SRP72: variants seen among roughly 807,000 people sequenced by gnomAD.
SRP72 encodes the protein signal recognition particle 72.
SRP72 carries 49 observed loss-of-function variants against 96.3 expected under a neutral mutation model. The ratio of observed to expected loss-of-function variants is 0.51; its 90% CI spans 0.40 to 0.65. SRP72 has a LOEUF of 0.65. Ranked by LOEUF, SRP72 falls within the 30% of genes least tolerant of loss-of-function variation. The pLI is 0.00. For missense variants in SRP72, 736 were observed against 793.3 expected (o/e 0.93, Z 0.87); for synonymous variants, 267 against 275.2 (o/e 0.97, Z 0.30).
chr4:56,472,562 G>A (rs1041405587), intron 3 of SRP72, among the ~76,000 whole-genome samples: 6 of 151,890 alleles, frequency 4.0e-5, no homozygotes, highest in Non-Finnish European at 8.8e-5. Context: ...GCCTAGGCTC[G>A]TCTCAAACTC....
intron 9 of SRP72, among the ~76,000 whole-genome samples, chr4:56,484,353 A>G: frequency 6.6e-6 from 1 of 152,162 alleles, no homozygotes; most frequent in East Asian, 1.9e-4. Flanking sequence ...TAATGTTTTT[A>G]TTATTTAGAA....
At chr4:56,490,687 C>T (rs1405570371) in intron 15 of SRP72, 42 bp downstream of exon 15, 1 of 1,480,806 alleles carries the variant, frequency 6.8e-7, no homozygotes, top group Non-Finnish European at 9.4e-7. Flanking sequence ...CTCAGTAGCA[C>T]AATAGATCTC....
At chr4:56,497,384 T>C (rs1181099679) in intron 17 of SRP72, among the ~76,000 whole-genome samples, 1 of 151,750 alleles carries the variant, frequency 6.6e-6, no homozygotes, top group Non-Finnish European at 1.5e-5. Flanking sequence ...CACGCCCAGC[T>C]AATTTTTTGT....
At chr4:56,490,277 T>C in intron 13 of SRP72, 56 bp from the exon 14 acceptor site, 2 of 1,366,656 alleles carry the variant, frequency 1.5e-6, no homozygotes, top group Admixed American at 1.8e-5. Context: ...TATAACTGCA[T>C]GCACTTGCTA....
chr4:56,485,792 C>T (rs895831142), intron 10 of SRP72, among the ~76,000 whole-genome samples: 1 of 151,978 alleles, frequency 6.6e-6, no homozygotes, highest in East Asian at 1.9e-4. Context: ...CAGAGCAAGA[C>T]TCCGCCTCAG....
At chr4:56,499,789 T>C (rs1031891546) in intron 17 of SRP72, among the ~76,000 whole-genome samples, 27 of 152,192 alleles carry the variant, frequency 1.8e-4, no homozygotes, top group African/African-American at 6.3e-4. Flanking sequence ...AGTTTAGCCA[T>C]TGTGGAAGAC....
intron 6 of SRP72, 116 bp downstream of exon 6, chr4:56,476,818 G>A: frequency 9.4e-7 from 1 of 1,064,530 alleles, no homozygotes; most frequent in Non-Finnish European, 1.4e-6. Flanking sequence ...CATTAAGTAG[G>A]AATCACACTA....
chr4:56,482,731 A>G (rs1386895464), intron 8 of SRP72, among the ~76,000 whole-genome samples: 1 of 152,204 alleles, frequency 6.6e-6, no homozygotes, highest in Non-Finnish European at 1.5e-5. Flanking sequence ...TTGTAGTCCT[A>G]ATACACTTCA....
intron 3 of SRP72, 81 bp from the exon 4 acceptor site, chr4:56,473,973 G>C: frequency 2.8e-6 from 4 of 1,412,066 alleles, no homozygotes; most frequent in Non-Finnish European, 2.9e-6. Context: ...CCTACTTAGT[G>C]GTTCCAAAAA....
intron 17 of SRP72, among the ~76,000 whole-genome samples, chr4:56,499,517 A>G (rs1445999628): frequency 2.6e-5 from 4 of 152,354 alleles, no homozygotes; most frequent in East Asian, 1.9e-4. Flanking sequence ...AAGAACTTCA[A>G]CAAATTTACA....
At position 56,502,486 on chromosome 4, in the gene SRP72, TATATATATAC is replaced by T. The variant is rs1440695444; in HGVS notation, c.*635_*644del. 13 of 101,490 alleles carry T rather than the reference TATATATATAC, an allele frequency of 1.3e-4. No homozygotes were observed. In the Admixed American group the frequency reaches 1.3e-3, roughly 10 times the overall value. The allele number at this position is 101,490 out of a possible 1,614,324, so 6.3% of individuals were successfully genotyped here. A position where few individuals can be genotyped will look rare whatever the true frequency, so the allele number is the denominator to read the frequency against. ...ATGTTTATATATATATATATATGTA[TATATATATAC>T]ATATATATATATATATAAACATGAA... is the stretch of plus-strand genomic sequence containing the variant. On this transcript the variant is annotated 3_prime_UTR_variant, in exon 19 of 19. Transcript: ENST00000642900.
At position 56,491,428 on chromosome 4, in the gene SRP72, C is replaced by CTT. The variant is rs1560686359; in HGVS notation, c.1503-3_1503-2insTT. 1.2e-6 allele frequency: 2 copies of CTT among 1,613,088 alleles called. No homozygotes were observed. Among genetic ancestry groups the CTT allele is most frequent in the South Asian group, 2.2e-5 (2 of 90,930 alleles). ...ATGTTCCTGAACTCCTGTTCTATCACAGTCTTAGTAAACACTTGCCATCGT... is the reference window on the plus strand; with the variant it reads ...ATGTTCCTGAACTCCTGTTCTATCACTTAGTCTTAGTAAACACTTGCCATCGT... On this transcript the variant is annotated splice_polypyrimidine_tract_variant and splice_region_variant and intron_variant, in intron 15 of 18. Coordinates refer to ENST00000642900, the MANE Select transcript of SRP72 (RefSeq NM_006947.4).
chr4:56,473,834 T>A (rs1720088649), intron 3 of SRP72, among the ~76,000 whole-genome samples: 1 of 151,988 alleles, frequency 6.6e-6, no homozygotes, highest in Non-Finnish European at 1.5e-5. Context: ...AGAACCACAA[T>A]ATAGTGAAAA....
intron 8 of SRP72, among the ~76,000 whole-genome samples, chr4:56,482,477 A>G (rs1720540768): frequency 6.6e-6 from 1 of 152,020 alleles, no homozygotes. Context: ...ACTTGTTTTC[A>G]GACATAATGC....
At chr4:56,479,372 G>C (rs1248226992) in intron 8 of SRP72, among the ~76,000 whole-genome samples, 1 of 151,618 alleles carries the variant, frequency 6.6e-6, no homozygotes, top group Non-Finnish European at 1.5e-5. Context: ...GTAGAGACGG[G>C]GTTTCACCAT....
chr4:56,489,479 A>T lies in SRP72; in HGVS notation c.1316A>T (p.His439Leu). 1 of 1,565,418 alleles carries T rather than the reference A, an allele frequency of 6.4e-7. No individual in the cohort carries two copies. The highest frequency in any genetic ancestry group is 8.7e-7 in the Non-Finnish European group (1 of 1,142,964). The stretch of plus-strand genomic sequence containing the variant: ...CAAGCTATCCAGTGGTATCAAAACC[A>T]TCAGGTAAATAAATGGAGTAAAATG... Reference protein sequence around the residue: ...FTQAIQWYQNHQPKSPAHLSL... With the variant: ...FTQAIQWYQNLQPKSPAHLSL... The change falls in exon 13 of 19, where the codon CAT (histidine) becomes CTT (leucine). Residue 439 changes from histidine to leucine, a missense_variant. His to Leu is a moderately conservative substitution (Grantham distance 99). Transcript: ENST00000642900.
chr4:56,481,912 G>A (rs1720505366), intron 8 of SRP72, among the ~76,000 whole-genome samples: 1 of 151,132 alleles, frequency 6.6e-6, no homozygotes, highest in Non-Finnish European at 1.5e-5. Flanking sequence ...ACTAGCGTGT[G>A]CCACCACACC....
chr4:56,475,403 A>ACATAT (rs1553945338), intron 5 of SRP72, among the ~76,000 whole-genome samples: 2 of 150,862 alleles, frequency 1.3e-5, no homozygotes, highest in Non-Finnish European at 1.5e-5. Context: ...ACAAAAAAAA[A>ACATAT]ATATATATGT....
At chr4:56,472,345 TTTC>T (rs1195654357) in intron 3 of SRP72, among the ~76,000 whole-genome samples, 1 of 135,462 alleles carries the variant, frequency 7.4e-6, no homozygotes, top group African/African-American at 2.8e-5. Context: ...TCTTAAAGTT[TTTC>T]TTTTTTTTTT....
Sources: gnomAD v4.1 joint callset for allele counts (sites outside exome capture counted in the v4.1 genomes callset) on GRCh38, gnomAD v4.1.1 for gene constraint, MANE v1.5 for transcripts, NCBI Gene and HGNC (gene_info 2026-07-23, HGNC 2026-07-21) for gene names.